TADA2B: variants seen among roughly 807,000 people sequenced by gnomAD.
The protein encoded by TADA2B is transcriptional adapter 2-beta.
Under a neutral mutation model 34.5 loss-of-function variants are expected in TADA2B, and 13 were observed. That is an observed-to-expected ratio of 0.38 (90% CI 0.25 to 0.60). The LOEUF (loss-of-function observed/expected upper bound fraction) is 0.60. Among genes scored for constraint, TADA2B ranks in the 20% least tolerant of loss-of-function variants. TADA2B has a pLI of 0.65. For missense variants in TADA2B, 442 were observed against 575.0 expected, an observed-to-expected ratio of 0.77 and a Z score of 2.37; for synonymous variants, 240 against 243.4, an observed-to-expected ratio of 0.99 and a Z score of 0.13.
At chr4:7,046,913 G>A (rs570711792) in intron 1 of TADA2B, among the ~76,000 whole-genome samples, 23 of 152,242 alleles carry the variant, frequency 1.5e-4, no homozygotes, top group Non-Finnish European at 2.9e-4. Flanking sequence ...TGAAGGGGAC[G>A]GGATGTAGCT....
Position 7,054,321 on chromosome 4 carries a change from A to G in TADA2B, c.530A>G (p.Tyr177Cys). ...CTGCGGGATGATTACGAGATCGAGTATGACCAGGATGCCGAGACGCTCATC... is the reference window on the plus strand; with the variant it reads ...CTGCGGGATGATTACGAGATCGAGTGTGACCAGGATGCCGAGACGCTCATC... Reference protein sequence around the residue: ...MPLRDDYEIEYDQDAETLISG... With the variant: ...MPLRDDYEIECDQDAETLISG... The change falls in exon 2 of 2, where the codon TAT (tyrosine) becomes TGT (cysteine). Residue 177 changes from tyrosine to cysteine, a missense_variant. Tyr to Cys is a radical substitution (Grantham distance 194). Coordinates refer to ENST00000310074, the MANE Select transcript of TADA2B (RefSeq NM_152293.3). 1 of 1,613,454 alleles carries G rather than the reference A, an allele frequency of 6.2e-7. No homozygotes were observed. The highest frequency in any genetic ancestry group is 8.5e-7 in the Non-Finnish European group (1 of 1,179,900).
At chr4:7,044,005 G>A (rs1358674418) in intron 1 of TADA2B, among the ~76,000 whole-genome samples, 156 bp downstream of exon 1, 3 of 152,264 alleles carry the variant, frequency 2.0e-5, no homozygotes, top group Non-Finnish European at 4.4e-5. Flanking sequence ...GTTTATAGTC[G>A]GGCACCTGTC....
In TADA2B at chr4:7,054,593, T is replaced by C. The variant is rs1295045350; in HGVS notation, c.802T>C (p.Cys268Arg). Reference protein sequence around the residue: ...KLRPLYQFMSCKEFDDLFENM... With the variant: ...KLRPLYQFMSRKEFDDLFENM... ...GAGGCCGCTGTACCAGTTCATGTCA[T>C]GCAAGGAGTTTGATGACCTTTTTGA... The change falls in exon 2 of 2, where the codon TGC becomes CGC. Residue 268 changes from cysteine (C) to arginine (R), a missense_variant. This residue lies in a region of TADA2B where 222 missense variants were observed against 235.2 expected (regional missense o/e 0.94). Transcript: ENST00000310074. 1.9e-6 allele frequency: 3 copies of C among 1,613,904 alleles called. No homozygotes were observed. Among genetic ancestry groups the C allele is most frequent in the Non-Finnish European group, 2.5e-6 (3 of 1,179,904 alleles).
intron 1 of TADA2B, among the ~76,000 whole-genome samples, chr4:7,045,428 G>C (rs146189902): frequency 6.6e-6 from 1 of 152,276 alleles, no homozygotes; most frequent in Non-Finnish European, 1.5e-5. Context: ...CACCATAACC[G>C]GAGCGAGCTT....
At chr4:7,043,871 G>T in intron 1 of TADA2B, 22 bp downstream of exon 1, 3 of 1,461,158 alleles carry the variant, frequency 2.1e-6, no homozygotes, top group Non-Finnish European at 2.7e-6. Flanking sequence ...GACGGGGGCC[G>T]GGTCCCGGCT....
intron 1 of TADA2B, 104 bp from the exon 2 acceptor site, chr4:7,053,958 G>C: frequency 7.5e-7 from 1 of 1,330,944 alleles, no homozygotes; most frequent in Non-Finnish European, 1.0e-6. Flanking sequence ...GGTGCTGTAG[G>C]AAGTACTCTA....
intron 1 of TADA2B, among the ~76,000 whole-genome samples, chr4:7,050,436 T>A (rs1723733434): frequency 6.6e-6 from 1 of 152,182 alleles, no homozygotes; most frequent in Non-Finnish European, 1.5e-5. Context: ...ACTTCTTCAT[T>A]TGGAGAAAAA....
chr4:7,043,382 T>C lies in TADA2B; in HGVS notation c.-198T>C. ...CGGCCGGGCCGGGCCGGACGGCGCCTGCGTACTGAGGGGGGACGCGGCCCG... is the reference window on the plus strand; with the variant it reads ...CGGCCGGGCCGGGCCGGACGGCGCCCGCGTACTGAGGGGGGACGCGGCCCG... On this transcript the variant is annotated 5_prime_UTR_variant, in exon 1 of 2. Coordinates refer to ENST00000310074, the MANE Select transcript of TADA2B (RefSeq NM_152293.3). 6.7e-6 allele frequency: 1 copy of C among 150,052 alleles called. No homozygotes were observed. Among genetic ancestry groups the C allele is most frequent in the South Asian group, 1.8e-4 (1 of 5,470 alleles). 9.3% of individuals were successfully genotyped at this position (150,052 alleles called of 1,614,324 possible).
chr4:7,054,817 T>A lies in TADA2B; in HGVS notation c.1026T>A (p.Ile342=), dbSNP rs1723852450. 1.9e-6 allele frequency: 3 copies of A among 1,613,878 alleles called. No homozygotes were observed. The highest frequency in any genetic ancestry group is 2.5e-6 in the Non-Finnish European group (3 of 1,179,886). ...EDGKDSEFAA[I]ENLPGFELLS... is the part of the protein sequence containing the mutation. ...GCAAAGACAGCGAGTTCGCCGCCAT[T>A]GAGAACCTTCCAGGCTTCGAGCTCC... The change falls in exon 2 of 2, where the codon ATT becomes ATA. Residue 342 remains isoleucine (I), a synonymous_variant. Coordinates refer to ENST00000310074, the MANE Select transcript of TADA2B (RefSeq NM_152293.3).
At position 7,057,726 on chromosome 4, in the gene TADA2B, G is replaced by A. The variant is rs151338394; in HGVS notation, c.*2672G>A. ...TGCTTGAACCTGGGAGGCGGAGGTT[G>A]CGGTGAGCTGAGATCACGCCACTAC... On this transcript the variant is annotated 3_prime_UTR_variant, in exon 2 of 2. Transcript: ENST00000310074. The A allele has an allele frequency of 0.025, 3,837 of 152,074 alleles. 65 individuals carry two copies. The highest frequency in any genetic ancestry group is 0.039 in the Non-Finnish European group (2,647 of 68,036). 9.4% of individuals were successfully genotyped at this position (152,074 alleles called of 1,614,324 possible).
chr4:7,054,499 CAAG>C lies in TADA2B; in HGVS notation c.712_714del (p.Lys238del). 1.2e-6 allele frequency: 2 copies of C among 1,613,610 alleles called. No individual in the cohort carries two copies. The highest frequency in any genetic ancestry group is 1.7e-6 in the Non-Finnish European group (2 of 1,179,886). ...TGGTGCCAGCCTTCCTGGGGAAGGA[CAAG>C]AAGGAGAAGGAAAAGGCGCTGAAGC... On this transcript the variant is annotated inframe_deletion, in exon 2 of 2. Coordinates refer to ENST00000310074, the MANE Select transcript of TADA2B (RefSeq NM_152293.3).
rs759134766 is a variant in TADA2B, at chr4:7,054,121, C to T, written c.330C>T (p.Tyr110=). 1.6e-5 allele frequency: 26 copies of T among 1,602,292 alleles called. No individual in the cohort carries two copies. Among genetic ancestry groups the T allele is most frequent in the South Asian group, 4.5e-5 (4 of 88,794 alleles). The change falls in exon 2 of 2, where the codon TAC becomes TAT. Residue 110 remains tyrosine (Y), a synonymous_variant. Coordinates refer to ENST00000310074, the MANE Select transcript of TADA2B (RefSeq NM_152293.3). Reference sequence around the variant, plus strand: ...CTCCCCAAGAGGTGATGGAGCATTACGTGAGCATGTACATCCACGGGAACC... The same window carrying T: ...CTCCCCAAGAGGTGATGGAGCATTATGTGAGCATGTACATCCACGGGAACC... ...SRTPQEVMEH[Y]VSMYIHGNLG... is the part of the protein sequence containing the mutation.
intron 1 of TADA2B, among the ~76,000 whole-genome samples, chr4:7,047,836 A>G (rs1376088530): frequency 6.6e-6 from 1 of 152,168 alleles, no homozygotes; most frequent in Non-Finnish European, 1.5e-5. Context: ...TGGGTACAAG[A>G]GTGTTGCTGG....
intron 1 of TADA2B, 102 bp downstream of exon 1, chr4:7,043,951 C>A: frequency 1.5e-6 from 2 of 1,332,516 alleles, no homozygotes; most frequent in South Asian, 1.9e-5. Context: ...CTCGCTCGCT[C>A]CGCACCCCAG....
chr4:7,043,897 C>T, intron 1 of TADA2B, 48 bp downstream of exon 1: 1 of 1,435,046 alleles, frequency 7.0e-7, no homozygotes, highest in Non-Finnish European at 9.1e-7. Flanking sequence ...ACTGGAAGGC[C>T]CGCGCCTCTC....
In TADA2B at chr4:7,056,348, G is replaced by A. The variant is rs888346997; in HGVS notation, c.*1294G>A. On this transcript the variant is annotated 3_prime_UTR_variant, in exon 2 of 2. Coordinates refer to ENST00000310074, the MANE Select transcript of TADA2B (RefSeq NM_152293.3). Reference sequence around the variant, plus strand: ...GTCTTTTGTCTTCCAGCTGCTCAGGGTTCTCTGGTCCAAGACCCTGCTTTA... The same window carrying A: ...GTCTTTTGTCTTCCAGCTGCTCAGGATTCTCTGGTCCAAGACCCTGCTTTA... 6.6e-6 allele frequency: 1 copy of A among 152,592 alleles called. No individual in the cohort carries two copies. Among genetic ancestry groups the A allele is most frequent in the Non-Finnish European group, 1.5e-5 (1 of 68,022 alleles). The allele number at this position is 152,592 out of a possible 1,614,324, so 9.5% of individuals were successfully genotyped here.
chr4:7,046,722 G>C (rs879733256), intron 1 of TADA2B, among the ~76,000 whole-genome samples: 8 of 152,218 alleles, frequency 5.3e-5, no homozygotes, highest in Non-Finnish European at 1.0e-4. Flanking sequence ...GATGGTGTGG[G>C]GGCTGGCGAC....
In TADA2B at chr4:7,054,520, G is replaced by C; in HGVS notation, c.729G>C (p.Ala243=). ...AGGACAAGAAGGAGAAGGAAAAGGC[G>C]CTGAAGCGCAAGATCACCAAGGAGG... The part of the protein sequence containing the change: ...LGKDKKEKEK[A]LKRKITKEEK... The change falls in exon 2 of 2, where the codon GCG becomes GCC. Residue 243 remains alanine, a synonymous_variant. Transcript: ENST00000310074. 6.2e-7 allele frequency: 1 copy of C among 1,613,820 alleles called. No homozygotes were observed. The highest frequency in any genetic ancestry group is 8.5e-7 in the Non-Finnish European group (1 of 1,179,906).
At position 7,054,936 on chromosome 4, in the gene TADA2B, A is replaced by G; in HGVS notation, c.1145A>G (p.Gln382Arg). Residue 382 changes from glutamine to arginine, a missense_variant, in exon 2 of 2, where the codon CAG (glutamine) becomes CGG (arginine). Coordinates refer to ENST00000310074, the MANE Select transcript of TADA2B (RefSeq NM_152293.3). ...ACTATTATAATTAAAGACCACCTCC[A>G]GAAGCGGCAAGGAATCCCCTCCAAA... ...VKTIIIKDHL[Q>R]KRQGIPSKSR... The G allele has an allele frequency of 6.2e-7, 1 of 1,613,970 alleles. No homozygotes were observed. The highest frequency in any genetic ancestry group is 8.5e-7 in the Non-Finnish European group (1 of 1,179,904).
Sources: gnomAD v4.1 joint callset for allele counts (sites outside exome capture counted in the v4.1 genomes callset) on GRCh38, gnomAD v4.1.1 for gene constraint, gnomAD v4.1.1 regional missense constraint, MANE v1.5 for transcripts, NCBI Gene and HGNC (gene_info 2026-07-23, HGNC 2026-07-21) for gene names.